HIBADH: variants seen among roughly 807,000 people sequenced by gnomAD.
HIBADH encodes 3-hydroxyisobutyrate dehydrogenase, mitochondrial.
In HIBADH, 25 loss-of-function variants were observed where a neutral mutation model predicts 36.1. That is an observed-to-expected ratio of 0.69 (90% CI 0.50 to 0.97). HIBADH has a LOEUF of 0.97. Among genes scored for constraint, HIBADH ranks in the 50% least tolerant of loss-of-function variants. The pLI, the probability that HIBADH is intolerant of heterozygous loss-of-function variation, is 0.00. For synonymous variants in HIBADH, 160 were observed against 149.5 expected (o/e 1.07, Z -0.51); for missense variants, 421 against 418.0 (o/e 1.01, Z -0.06).
At chr7:27,554,913 T>G (rs942799170) in intron 4 of HIBADH, among the ~76,000 whole-genome samples, 3 of 152,148 alleles carry the variant, frequency 2.0e-5, no homozygotes, top group Non-Finnish European at 4.4e-5. Flanking sequence ...TACAATGAGT[T>G]GAGTATGGTC....
At chr7:27,565,014 G>T (rs374879464) in intron 4 of HIBADH, among the ~76,000 whole-genome samples, 3 of 152,244 alleles carry the variant, frequency 2.0e-5, no homozygotes, top group African/African-American at 7.2e-5. Context: ...AATTCCTAGA[G>T]AGAGTAAAAG....
intron 4 of HIBADH, among the ~76,000 whole-genome samples, chr7:27,606,411 C>G (rs1290630246): frequency 1.3e-5 from 2 of 152,148 alleles, no homozygotes; most frequent in Non-Finnish European, 2.9e-5. Flanking sequence ...CATTAGTAAT[C>G]TTTAAAGCCA....
At chr7:27,621,945 G>A (rs1384786541) in intron 4 of HIBADH, among the ~76,000 whole-genome samples, 1 of 152,020 alleles carries the variant, frequency 6.6e-6, no homozygotes, top group African/African-American at 2.4e-5. Context: ...AAGAAATTAA[G>A]ATGAAAATAA....
chr7:27,527,718 A>T, intron 7 of HIBADH, among the ~76,000 whole-genome samples: 1 of 148,672 alleles, frequency 6.7e-6, no homozygotes, highest in Non-Finnish European at 1.5e-5. Context: ...TTTCATTACT[A>T]TTATTTCTGT....
intron 4 of HIBADH, among the ~76,000 whole-genome samples, chr7:27,607,418 A>G (rs1583594120): frequency 6.6e-6 from 1 of 152,142 alleles, no homozygotes; most frequent in Non-Finnish European, 1.5e-5. Context: ...AAGAGGCAGG[A>G]GAATCATCTG....
At chr7:27,545,858 G>A (rs945335164) in intron 4 of HIBADH, among the ~76,000 whole-genome samples, 9 of 152,154 alleles carry the variant, frequency 5.9e-5, no homozygotes, top group African/African-American at 2.2e-4. Flanking sequence ...GTCATGGCTT[G>A]CCAGCATCCC....
chr7:27,578,859 A>T (rs946954517), intron 4 of HIBADH, among the ~76,000 whole-genome samples: 4 of 152,204 alleles, frequency 2.6e-5, no homozygotes, highest in African/African-American at 9.7e-5. Context: ...ACTGAATACT[A>T]CACTTCTTAA....
intron 4 of HIBADH, among the ~76,000 whole-genome samples, chr7:27,602,222 G>C (rs920484648): frequency 6.6e-6 from 1 of 150,998 alleles, no homozygotes; most frequent in African/African-American, 2.4e-5. Context: ...CTATAAGGAT[G>C]AAATGTTTTA....
At chr7:27,639,804 C>T (rs1375771763) in intron 2 of HIBADH, among the ~76,000 whole-genome samples, 1 of 152,012 alleles carries the variant, frequency 6.6e-6, no homozygotes, top group African/African-American at 2.4e-5. Context: ...CAAGTTCAAC[C>T]AATTATAAAT....
chr7:27,575,285 T>A (rs1172446762), intron 4 of HIBADH, among the ~76,000 whole-genome samples: 1 of 152,124 alleles, frequency 6.6e-6, no homozygotes, highest in South Asian at 2.1e-4. Flanking sequence ...ACAGGGAGGG[T>A]GACTTTTACC....
chr7:27,589,448 A>G (rs898884265), intron 4 of HIBADH, among the ~76,000 whole-genome samples: 3 of 152,218 alleles, frequency 2.0e-5, no homozygotes, highest in Middle Eastern at 3.2e-3. Flanking sequence ...AGTGATTTTA[A>G]TAACAATAGG....
At chr7:27,655,403 T>A (rs1201368786) in intron 1 of HIBADH, among the ~76,000 whole-genome samples, 3 of 152,150 alleles carry the variant, frequency 2.0e-5, no homozygotes, top group African/African-American at 7.2e-5. Context: ...TACTTTCAAA[T>A]GATTCAAGCG....
chr7:27,611,441 G>A (rs891903025), intron 4 of HIBADH, among the ~76,000 whole-genome samples: 3 of 152,046 alleles, frequency 2.0e-5, no homozygotes, highest in South Asian at 2.1e-4. Flanking sequence ...CATTATAGAC[G>A]AGAGCTGATC....
chr7:27,587,078 A>T (rs1331142140), intron 4 of HIBADH, among the ~76,000 whole-genome samples: 2 of 152,222 alleles, frequency 1.3e-5, no homozygotes, highest in Non-Finnish European at 2.9e-5. Context: ...CTTGTTATGC[A>T]AATTCAATTA....
Position 27,570,736 on chromosome 7 carries a change from G to C in HIBADH, c.485-27636C>G, listed in dbSNP as rs1474699708. The stretch of plus-strand genomic sequence containing the variant: ...GTGGGGGGAGTAAAAAGAAAGTATG[G>C]TATCAGTCTGTATTGTTCTTTTATA... On this transcript the variant is annotated intron_variant, in intron 4 of 7. Coordinates refer to ENST00000265395, the MANE Select transcript of HIBADH (RefSeq NM_152740.4). Among the ~76,000 whole-genome samples the C allele has an allele frequency of 2.0e-5, 3 of 152,030 alleles. No individual in the cohort carries two copies. The South Asian group carries it at 6.2e-4, about 32-fold the overall frequency.
intron 4 of HIBADH, among the ~76,000 whole-genome samples, chr7:27,600,683 T>A (rs967635280): frequency 6.6e-6 from 1 of 152,116 alleles, no homozygotes; most frequent in Non-Finnish European, 1.5e-5. Context: ...ATCTTTAGAA[T>A]AAGAACAAGT....
intron 4 of HIBADH, among the ~76,000 whole-genome samples, chr7:27,607,124 G>T (rs1031905497): frequency 9.9e-5 from 15 of 152,192 alleles, no homozygotes; most frequent in Non-Finnish European, 1.5e-5. Context: ...ATGAAAAGCT[G>T]TTGATTTTAT....
chr7:27,617,201 T>G (rs1785446980), intron 4 of HIBADH, among the ~76,000 whole-genome samples: 1 of 152,216 alleles, frequency 6.6e-6, no homozygotes, highest in Non-Finnish European at 1.5e-5. Flanking sequence ...TTTTCTAGGT[T>G]TAGATATGTT....
intron 4 of HIBADH, among the ~76,000 whole-genome samples, chr7:27,595,845 G>A (rs1188653414): frequency 6.6e-6 from 1 of 151,788 alleles, no homozygotes; most frequent in Non-Finnish European, 1.5e-5. Context: ...TTTTTAAAAA[G>A]GCAAATAAAT....
Sources: allele counts gnomAD v4.1 joint callset (sites outside exome capture counted in the v4.1 genomes callset), GRCh38; gene constraint gnomAD v4.1.1; transcripts MANE v1.5; gene names NCBI Gene and HGNC (gene_info 2026-07-23, HGNC 2026-07-21).